CCDC7: variants seen among roughly 807,000 people sequenced by gnomAD.
The protein encoded by CCDC7 is coiled-coil domain containing 7.
Under a neutral mutation model 196.9 loss-of-function variants are expected in CCDC7, and 183 were observed. The observed-to-expected ratio is 0.93, with a 90% confidence interval of 0.82 to 1.05. The LOEUF (loss-of-function observed/expected upper bound fraction) is 1.05, where lower values mean the gene tolerates loss of function less well. Among genes scored for constraint, CCDC7 ranks in the 50% least tolerant of loss-of-function variants. The pLI is 0.00. For synonymous variants in CCDC7, 525 were observed against 484.6 expected (o/e 1.08, Z -1.10); for missense variants, 1,540 against 1,482.2 (o/e 1.04, Z -0.64).
chr10:32,639,868 C>T (rs1315991458), intron 20 of CCDC7, among the ~76,000 whole-genome samples: 4 of 152,086 alleles, frequency 2.6e-5, no homozygotes, highest in East Asian at 3.9e-4. Flanking sequence ...CCGCCTGCCT[C>T]GGCCTCCCAA....
chr10:32,869,556 C>T (rs1173795384), intron 41 of CCDC7, among the ~76,000 whole-genome samples: 1 of 152,160 alleles, frequency 6.6e-6, no homozygotes, highest in African/African-American at 2.4e-5. Flanking sequence ...TGTGCAGAAG[C>T]TCTTTCGTTT....
chr10:32,652,855 AG>A lies in CCDC7; in HGVS notation c.2015-11198del, dbSNP rs1482308492. On this transcript the variant is annotated intron_variant, in intron 20 of 41. Coordinates refer to ENST00000639629, the Ensembl canonical transcript of CCDC7. Reference sequence around the variant, plus strand: ...TTATATACCACAGTTACAGTATTAGAGTATTCTGAATTTGTATTGTTTCTAT... The same window carrying A: ...TTATATACCACAGTTACAGTATTAGATATTCTGAATTTGTATTGTTTCTAT... Among the ~76,000 whole-genome samples, 2 of 152,186 alleles carry A rather than the reference AG, an allele frequency of 1.3e-5. 1 individual carries two copies. Among genetic ancestry groups the A allele is most frequent in the Non-Finnish European group, 2.9e-5 (2 of 68,038 alleles).
chr10:32,682,601 C>G (rs887684223), intron 21 of CCDC7, among the ~76,000 whole-genome samples: 1 of 152,220 alleles, frequency 6.6e-6, no homozygotes, highest in Non-Finnish European at 1.5e-5. Flanking sequence ...AACTTATTTA[C>G]ATTCCCATCA....
At chr10:32,719,015 A>G (rs1389405984) in intron 25 of CCDC7, among the ~76,000 whole-genome samples, 3 of 152,230 alleles carry the variant, frequency 2.0e-5, no homozygotes, top group African/African-American at 7.2e-5. Context: ...CAGAATTGGA[A>G]AAAACTACTT....
intron 25 of CCDC7, among the ~76,000 whole-genome samples, chr10:32,715,595 A>C (rs573235625): frequency 4.6e-5 from 7 of 152,200 alleles, no homozygotes; most frequent in Admixed American, 2.0e-4. Context: ...GGTAATAACA[A>C]ACTCCTCTGA....
rs2067667325 is a variant in CCDC7, at chr10:32,645,800, T to G, written c.2014+10642T>G. On this transcript the variant is annotated intron_variant, in intron 20 of 41. Transcript: ENST00000639629. ...TGTGTCCAAGAATTTATCCATTTCC[T>G]CTAGGTTTTCCAATTTGTTGGCATA... Among the ~76,000 whole-genome samples the G allele has an allele frequency of 4.6e-5, 7 of 152,176 alleles. No homozygotes were observed. In the South Asian group the frequency reaches 1.4e-3, roughly 31 times the overall value.
intron 9 of CCDC7, 26 bp downstream of exon 10, chr10:32,492,023 A>G: frequency 6.7e-7 from 1 of 1,501,810 alleles, no homozygotes; most frequent in Non-Finnish European, 8.8e-7. Flanking sequence ...TTTGCATTTT[A>G]TTATTTTTCT....
chr10:32,874,430 A>C (rs1161316827), intron 41 of CCDC7, among the ~76,000 whole-genome samples: 1 of 151,222 alleles, frequency 6.6e-6, no homozygotes, highest in Non-Finnish European at 1.5e-5. Context: ...TCCCTCACCC[A>C]CCTGTCATCC....
chr10:32,719,482 A>G (rs2082086769), intron 25 of CCDC7, among the ~76,000 whole-genome samples: 1 of 152,204 alleles, frequency 6.6e-6, no homozygotes, highest in Non-Finnish European at 1.5e-5. Flanking sequence ...CTTCATGACT[A>G]AACACCAAAG....
At chr10:32,830,140 A>ATATATATATATATATATATATATC (rs1352900669) in intron 32 of CCDC7, among the ~76,000 whole-genome samples, 1 of 123,380 alleles carries the variant, frequency 8.1e-6, no homozygotes, top group African/African-American at 2.6e-5. Flanking sequence ...ATATATATAT[A>ATATATATATATATATATATATATC]TCCTATTAGT....
intron 41 of CCDC7, among the ~76,000 whole-genome samples, chr10:32,875,177 C>A (rs2094563272): frequency 6.6e-6 from 1 of 152,018 alleles, no homozygotes; most frequent in Non-Finnish European, 1.5e-5. Flanking sequence ...CAGTACCATG[C>A]TTTTGGCATC....
intron 11 of CCDC7, among the ~76,000 whole-genome samples, chr10:32,526,935 C>T (rs185463492): frequency 5.1e-4 from 77 of 152,252 alleles, no homozygotes; most frequent in Non-Finnish European, 1.0e-4. Flanking sequence ...TCACGTGCCA[C>T]CCAAGTTTAC....
chr10:32,750,904 C>A (rs2075554326), intron 28 of CCDC7, among the ~76,000 whole-genome samples: 1 of 152,138 alleles, frequency 6.6e-6, no homozygotes, highest in Non-Finnish European at 1.5e-5. Flanking sequence ...GTCTTACTCC[C>A]ATTTGTAACC....
At chr10:32,720,920 T>C (rs2082316906) in intron 25 of CCDC7, among the ~76,000 whole-genome samples, 1 of 152,052 alleles carries the variant, frequency 6.6e-6, no homozygotes, top group Non-Finnish European at 1.5e-5. Context: ...GGCAAAACCC[T>C]GTGTCTACAA....
At chr10:32,737,807 A>G (rs994827065) in intron 28 of CCDC7, among the ~76,000 whole-genome samples, 2 of 152,114 alleles carry the variant, frequency 1.3e-5, no homozygotes, top group African/African-American at 4.8e-5. Context: ...TCTTGCTCTG[A>G]AGTCCACATT....
At chr10:32,882,587 C>T (rs1419566977) in intron 22 of CCDC7, 106 bp from the exon 44 acceptor site, 1 of 152,102 alleles carries the variant, frequency 6.6e-6, no homozygotes, top group East Asian at 1.9e-4. Context: ...TACGCCTCAA[C>T]ATCAACACAT....
At chr10:32,834,290 G>A (rs1357239584) in intron 32 of CCDC7, among the ~76,000 whole-genome samples, 1 of 152,050 alleles carries the variant, frequency 6.6e-6, no homozygotes, top group Non-Finnish European at 1.5e-5. Flanking sequence ...AGAAGAATCA[G>A]AGAATTTCTC....
At chr10:32,712,326 G>A (rs532497808) in intron 25 of CCDC7, among the ~76,000 whole-genome samples, 5 of 152,234 alleles carry the variant, frequency 3.3e-5, no homozygotes, top group South Asian at 4.1e-4. Context: ...CAAAAGCATC[G>A]ACAATCATCA....
At chr10:32,692,901 T>C (rs2077252229) in intron 23 of CCDC7, among the ~76,000 whole-genome samples, 1 of 152,104 alleles carries the variant, frequency 6.6e-6, no homozygotes. Flanking sequence ...AAGAAGCTGT[T>C]TTCCATTTTA....
Sources: allele counts gnomAD v4.1 joint callset (sites outside exome capture counted in the v4.1 genomes callset), GRCh38; gene constraint gnomAD v4.1.1; transcripts MANE v1.5; gene names NCBI Gene and HGNC (gene_info 2026-07-23, HGNC 2026-07-21).